Variants in NDRG2 observed in about 807,000 individuals in gnomAD.
NDRG2 encodes NDRG family member 2.
Under a neutral mutation model 58.2 loss-of-function variants are expected in NDRG2, and 34 were observed. The observed-to-expected ratio is 0.58, with a 90% CI of 0.44 to 0.78. The LOEUF (loss-of-function observed/expected upper bound fraction) is 0.78, where lower values mean the gene tolerates loss of function less well. NDRG2 is among the 30% of genes least tolerant of loss of function. The probability of loss-of-function intolerance (pLI) is 0.00; values close to 1 mark genes in which losing one functional copy is unlikely to be tolerated. For synonymous variants in NDRG2, 187 were observed against 175.9 expected, an observed-to-expected ratio of 1.06 and a Z score of -0.50; for missense variants, 434 against 471.2, an observed-to-expected ratio of 0.92 and a Z score of 0.73.
chr14:21,035,689 C>CA (rs1884579146), intron 1 of NDRG2: 4 of 442,216 alleles, frequency 9.0e-6, no homozygotes, highest in Admixed American at 4.8e-5. Context: ...TGGTGTTCCT[C>CA]ATGTAGAGCC....
At chr14:21,061,227 G>A (rs1171211002) in intron 1 of NDRG2, among the ~76,000 whole-genome samples, 3 of 152,198 alleles carry the variant, frequency 2.0e-5, no homozygotes, top group African/African-American at 7.2e-5. Context: ...CATTAGGTCT[G>A]TAGCCAGGGT....
In NDRG2 at chr14:21,033,703, G is replaced by A. The variant is rs1884405377; in HGVS notation, c.25-10382C>T. 5 of 784,824 alleles carry A rather than the reference G, an allele frequency of 6.4e-6. No homozygotes were observed. In the East Asian group the frequency reaches 1.2e-4, roughly 19 times the overall value. The allele number at this position is 784,824 out of a possible 1,614,324, so 48.6% of individuals were successfully genotyped here. ...ATTTTCGCACCCACCTGGTCTCTTGGGAGGGGACCCTGCCTGCCTCGTAAG... is the reference window on the plus strand; with the variant it reads ...ATTTTCGCACCCACCTGGTCTCTTGAGAGGGGACCCTGCCTGCCTCGTAAG... On this transcript the variant is annotated intron_variant, in intron 1 of 14. Coordinates refer to the NDRG2 transcript ENST00000403829.
intron 1 of NDRG2, chr14:21,043,824 T>A (rs548429649): frequency 9.7e-5 from 21 of 215,440 alleles, no homozygotes; most frequent in Middle Eastern, 2.0e-3. Flanking sequence ...GCTGTTTCTG[T>A]TCCTGAACTA....
intron 1 of NDRG2, chr14:21,057,723 C>A: frequency 1.7e-6 from 1 of 602,168 alleles, no homozygotes; most frequent in Non-Finnish European, 2.9e-6. Flanking sequence ...ACATTATCTG[C>A]TGGTACTAAA....
chr14:21,062,348 C>G (rs1886005643), intron 1 of NDRG2, among the ~76,000 whole-genome samples: 1 of 152,170 alleles, frequency 6.6e-6, no homozygotes, highest in Non-Finnish European at 1.5e-5. Context: ...GCTCAAGGCT[C>G]AGGCTCAAGG....
intron 10 of NDRG2, among the ~76,000 whole-genome samples, chr14:21,019,375 A>G (rs1407948687): frequency 6.6e-6 from 1 of 152,202 alleles, no homozygotes; most frequent in Non-Finnish European, 1.5e-5. Context: ...GGGCAACAAA[A>G]GGGGAGGAAG....
At chr14:21,066,602 G>A (rs992773680) in intron 1 of NDRG2, among the ~76,000 whole-genome samples, 1 of 152,186 alleles carries the variant, frequency 6.6e-6, no homozygotes, top group Non-Finnish European at 1.5e-5. Context: ...CCAAAGTGCT[G>A]GGATTACAGG....
Position 21,070,337 on chromosome 14 carries a change from C to T in NDRG2, c.24+491G>A. On this transcript the variant is annotated intron_variant, in intron 1 of 14. Coordinates refer to the NDRG2 transcript ENST00000403829. This position sits in a 1 kb window ranked among gnomAD's most constrained non-coding sequence, Gnocchi z 4.7. ...CGAGACACGAGCGGCGGGAGGGAGG[C>T]GGTGGCGCGCCCGGCCCCGCCCGCC... 2.1e-6 allele frequency: 3 copies of T among 1,399,162 alleles called. No individual in the cohort carries two copies. The highest frequency in any genetic ancestry group is 1.5e-5 in the South Asian group (1 of 66,014). The allele number at this position is 1,399,162 out of a possible 1,614,324, so 86.7% of individuals were successfully genotyped here.
chr14:21,027,998 T>C (rs1456092909), upstream of NDRG2, among the ~76,000 whole-genome samples: 1 of 152,158 alleles, frequency 6.6e-6, no homozygotes, highest in Non-Finnish European at 1.5e-5. Context: ...TACCGTAAGG[T>C]TAGTGTTATC....
In NDRG2 at chr14:21,070,464, A is replaced by C. The variant is rs1356370812; in HGVS notation, c.24+364T>G. The C allele has an allele frequency of 2.0e-5, 27 of 1,348,512 alleles. No individual in the cohort carries two copies. The highest frequency in any genetic ancestry group is 2.5e-5 in the Non-Finnish European group (26 of 1,056,002). 83.5% of individuals were successfully genotyped at this position (1,348,512 alleles called of 1,614,324 possible). A position where few individuals can be genotyped will look rare whatever the true frequency, so the allele number is the denominator to read the frequency against. On this transcript the variant is annotated intron_variant, in intron 1 of 14. Transcript: ENST00000403829. The surrounding 1 kb of genome is among the most constrained non-coding windows in gnomAD (Gnocchi z 4.7). ...TCGCGCAGCCCGCTCCGGGCCCCCA[A>C]GTCCTCAGCCTGGTGCCTCCCGAGC... is the stretch of plus-strand genomic sequence containing the variant.
Position 21,017,780 on chromosome 14 carries a change from T to G in NDRG2, c.950-18A>C. 1 of 1,602,514 alleles carries G rather than the reference T, an allele frequency of 6.2e-7. No individual in the cohort carries two copies. The highest frequency in any genetic ancestry group is 8.5e-7 in the Non-Finnish European group (1 of 1,173,744). ...TGAGGCCACTGTGGAGACAGCACGA[T>G]GCACAAGCAGTCAGAGAGGAAGTGG... On this transcript the variant is annotated intron_variant, in intron 15 of 15. Coordinates refer to ENST00000556147, the MANE Select transcript of NDRG2 (RefSeq NM_001320329.2).
At chr14:21,031,093 G>T in intron 1 of NDRG2, 10 of 1,614,216 alleles carry the variant, frequency 6.2e-6, no homozygotes, top group Non-Finnish European at 7.6e-6. Flanking sequence ...TCAAAGGGAA[G>T]AGTCCAGATG....
chr14:21,026,837 ACT>A (rs1262928369), upstream of NDRG2, among the ~76,000 whole-genome samples: 1 of 151,844 alleles, frequency 6.6e-6, no homozygotes, highest in African/African-American at 2.4e-5. Flanking sequence ...CCAGTTTAAC[ACT>A]CTCCTGGACA....
intron 15 of NDRG2, 68 bp downstream of exon 15, chr14:21,017,919 T>C: frequency 1.2e-6 from 2 of 1,613,238 alleles, no homozygotes; most frequent in Admixed American, 3.3e-5. Context: ...GGCATTCACC[T>C]AAAACGGTTC....
chr14:21,018,581 G>A lies in NDRG2; in HGVS notation c.814-77C>T, dbSNP rs994377349. On this transcript the variant is annotated intron_variant, in intron 12 of 15. Coordinates refer to ENST00000556147, the MANE Select transcript of NDRG2 (RefSeq NM_001320329.2). ...CCCCCGTAAGGGACCCAGGAACCCA[G>A]ACCCCAGTCCCTTTTCTATCAGCTC... 5.1e-6 allele frequency: 8 copies of A among 1,575,650 alleles called. No homozygotes were observed. The African/African-American group carries it at 1.1e-4, about 21-fold the overall frequency.
At chr14:21,062,747 T>TGTGTG (rs1886033675) in intron 1 of NDRG2, among the ~76,000 whole-genome samples, 2 of 36,250 alleles carry the variant, frequency 5.5e-5, no homozygotes, top group South Asian at 9.5e-4. Context: ...GTGTGTGTGT[T>TGTGTG]TTGTTATTTG....
upstream of NDRG2, among the ~76,000 whole-genome samples, chr14:21,026,021 T>G (rs2139052870): frequency 6.6e-6 from 1 of 151,950 alleles, no homozygotes; most frequent in Admixed American, 6.5e-5. Flanking sequence ...CCCCTCCCAG[T>G]CCGGCCCAGA....
chr14:21,023,115 G>A, intron 2 of NDRG2, 126 bp downstream of exon 2: 1 of 927,202 alleles, frequency 1.1e-6, no homozygotes, highest in South Asian at 1.5e-5. Context: ...TGGGGAGAGA[G>A]ACTAGGGTAG....
downstream of NDRG2, chr14:21,016,767 G>A (rs556085607): frequency 2.6e-5 from 11 of 428,296 alleles, no homozygotes; most frequent in African/African-American, 1.4e-4. Context: ...GAATAATAAC[G>A]GTACTCAGAT....
Sources: allele counts gnomAD v4.1 joint callset (sites outside exome capture counted in the v4.1 genomes callset), GRCh38; gene constraint gnomAD v4.1.1; non-coding constraint Gnocchi (gnomAD v3.1); transcripts MANE v1.5; gene names NCBI Gene and HGNC (gene_info 2026-07-23, HGNC 2026-07-21).